Variants in KCNK13 observed in about 807,000 individuals in gnomAD.
KCNK13 encodes potassium channel subfamily K member 13.
In KCNK13, 12 loss-of-function variants were observed where a neutral mutation model predicts 23.4. The observed-to-expected ratio is 0.51, with a 90% CI of 0.33 to 0.83. KCNK13 has a LOEUF of 0.83. Among genes scored for constraint, KCNK13 ranks in the 40% least tolerant of loss-of-function variants. The pLI is 0.02. For missense variants in KCNK13, 463 were observed against 556.3 expected (o/e 0.83, Z 1.69); for synonymous variants, 231 against 229.5 (o/e 1.01, Z -0.06).
intron 1 of KCNK13, among the ~76,000 whole-genome samples, chr14:90,139,768 C>G (rs1338936513): frequency 6.6e-6 from 1 of 152,050 alleles, no homozygotes; most frequent in African/African-American, 2.4e-5. Flanking sequence ...TCAAGACCAG[C>G]TTGGGCAACA....
chr14:90,104,081 G>T lies in KCNK13; in HGVS notation c.334+41542G>T, dbSNP rs148425413. Among the ~76,000 whole-genome samples the T allele has an allele frequency of 4.9e-3, 742 of 152,136 alleles. 8 individuals carry two copies. Among genetic ancestry groups the T allele is most frequent in the African/African-American group, 0.017 (702 of 41,490 alleles). ...TGTTGGGCAGGAGTCAACTTCTCTTGTCTCTTTTTCTCTCCTGATCTTACC... is the reference window on the plus strand; with the variant it reads ...TGTTGGGCAGGAGTCAACTTCTCTTTTCTCTTTTTCTCTCCTGATCTTACC... On this transcript the variant is annotated intron_variant, in intron 1 of 1. Transcript: ENST00000282146.
intron 1 of KCNK13, among the ~76,000 whole-genome samples, chr14:90,150,667 G>A (rs1056145062): frequency 1.3e-5 from 2 of 152,172 alleles, no homozygotes; most frequent in Non-Finnish European, 2.9e-5. Flanking sequence ...CCCATGGTTA[G>A]CAGAGTGATA....
At chr14:90,147,424 T>C (rs1021728989) in intron 1 of KCNK13, among the ~76,000 whole-genome samples, 6 of 26,976 alleles carry the variant, frequency 2.2e-4, no homozygotes, top group African/African-American at 9.4e-4. Flanking sequence ...GTTTTTTTGG[T>C]TGGGATAGGA....
intron 1 of KCNK13, among the ~76,000 whole-genome samples, chr14:90,134,096 TG>T (rs1303167961): frequency 6.6e-6 from 1 of 152,140 alleles, no homozygotes; most frequent in Non-Finnish European, 1.5e-5. Flanking sequence ...CTCCTGCTTG[TG>T]GTCCCAGTTA....
chr14:90,172,448 G>A (rs1308800466), intron 1 of KCNK13, among the ~76,000 whole-genome samples: 5 of 152,124 alleles, frequency 3.3e-5, no homozygotes, highest in East Asian at 1.9e-4. Context: ...AATTTCCTAC[G>A]GAACATGTAA....
chr14:90,144,228 C>T (rs73332321), intron 1 of KCNK13, among the ~76,000 whole-genome samples: 1,606 of 152,250 alleles, frequency 0.011, 18 homozygotes, highest in African/African-American at 0.037. Context: ...AAGTTTCTCT[C>T]AGTAATGTTT....
chr14:90,092,847 G>A (rs1889364564), intron 1 of KCNK13, among the ~76,000 whole-genome samples: 1 of 148,082 alleles, frequency 6.8e-6, no homozygotes, highest in Non-Finnish European at 1.5e-5. Context: ...AGGAGGTCGA[G>A]GCTGCAGTGA....
At chr14:90,169,572 G>C (rs1890341413) in intron 1 of KCNK13, among the ~76,000 whole-genome samples, 1 of 152,162 alleles carries the variant, frequency 6.6e-6, no homozygotes. Context: ...GGGAACCCCT[G>C]CCCCTCATAT....
At chr14:90,146,408 T>C (rs1434766771) in intron 1 of KCNK13, among the ~76,000 whole-genome samples, 1 of 152,134 alleles carries the variant, frequency 6.6e-6, no homozygotes, top group African/African-American at 2.4e-5. Context: ...TTTTGCCTCC[T>C]GGGTTCAAGC....
chr14:90,134,735 A>G (rs896970926), intron 1 of KCNK13, among the ~76,000 whole-genome samples: 2 of 152,266 alleles, frequency 1.3e-5, no homozygotes, highest in African/African-American at 4.8e-5. Context: ...TGAACTGCAG[A>G]GAGACGTGTG....
intron 1 of KCNK13, among the ~76,000 whole-genome samples, chr14:90,155,950 T>A (rs947247361): frequency 1.3e-5 from 2 of 152,108 alleles, no homozygotes; most frequent in Non-Finnish European, 1.5e-5. Context: ...ACACCTGTAA[T>A]CTCAGCACTT....
At chr14:90,167,317 A>G (rs910124926) in intron 1 of KCNK13, among the ~76,000 whole-genome samples, 2 of 152,198 alleles carry the variant, frequency 1.3e-5, no homozygotes, top group East Asian at 3.8e-4. Flanking sequence ...AAGACGATCT[A>G]TTTTCATTGC....
intron 1 of KCNK13, among the ~76,000 whole-genome samples, chr14:90,075,482 G>A (rs1188389573): frequency 6.6e-6 from 1 of 151,998 alleles, no homozygotes; most frequent in African/African-American, 2.4e-5. Context: ...GTGGTTTATG[G>A]ACTTTTCTTT....
intron 1 of KCNK13, among the ~76,000 whole-genome samples, chr14:90,116,506 G>A (rs1266212028): frequency 6.6e-6 from 1 of 152,136 alleles, no homozygotes; most frequent in Admixed American, 6.6e-5. Flanking sequence ...GTATATCAGG[G>A]GACAATGAGG....
intron 1 of KCNK13, among the ~76,000 whole-genome samples, chr14:90,131,659 C>A (rs1889876087): frequency 6.6e-6 from 1 of 152,248 alleles, no homozygotes; most frequent in African/African-American, 2.4e-5. Context: ...TCCCAAGCAG[C>A]TAGGACTATA....
intron 1 of KCNK13, among the ~76,000 whole-genome samples, chr14:90,066,749 C>T (rs1244042947): frequency 1.3e-5 from 2 of 152,094 alleles, no homozygotes; most frequent in African/African-American, 4.8e-5. Flanking sequence ...AAACAGTTTG[C>T]CAGTTTCTCT....
At chr14:90,160,845 G>GA (rs762915051) in intron 1 of KCNK13, among the ~76,000 whole-genome samples, 1,099 of 97,156 alleles carry the variant, frequency 0.011, 7 homozygotes, top group African/African-American at 0.03. Context: ...CTCCAGTTCA[G>GA]AAAAAAAAAA....
intron 1 of KCNK13, among the ~76,000 whole-genome samples, chr14:90,135,098 C>T (rs1378150463): frequency 6.6e-6 from 1 of 152,166 alleles, no homozygotes; most frequent in African/African-American, 2.4e-5. Context: ...GCCTAGTGGC[C>T]CACTTGGGGA....
At chr14:90,076,883 G>A (rs1420906535) in intron 1 of KCNK13, among the ~76,000 whole-genome samples, 1 of 152,152 alleles carries the variant, frequency 6.6e-6, no homozygotes, top group Non-Finnish European at 1.5e-5. Flanking sequence ...GCAGTGGCGT[G>A]ATCTCCGCTC....
Sources: allele counts gnomAD v4.1 joint callset (sites outside exome capture counted in the v4.1 genomes callset), GRCh38; gene constraint gnomAD v4.1.1; transcripts MANE v1.5; gene names NCBI Gene and HGNC (gene_info 2026-07-23, HGNC 2026-07-21).